CADM2: variants seen among roughly 807,000 people sequenced by gnomAD.
The protein encoded by CADM2 is cell adhesion molecule 2, also known as immunoglobulin superfamily member 4D.
CADM2 carries 12 observed loss-of-function variants against 49.8 expected under a neutral mutation model. That is an observed-to-expected ratio of 0.24 (90% CI 0.15 to 0.39). The LOEUF (loss-of-function observed/expected upper bound fraction) is 0.39, where lower values mean the gene tolerates loss of function less well. CADM2 is among the 10% of genes least tolerant of loss of function. The pLI is 1.00. For synonymous variants in CADM2, 214 were observed against 175.4 expected (o/e 1.22, Z -1.74); for missense variants, 378 against 492.3 (o/e 0.77, Z 2.20).
At chr3:85,404,910 AT>A (rs2035298841) in intron 1 of CADM2, among the ~76,000 whole-genome samples, 1 of 152,174 alleles carries the variant, frequency 6.6e-6, no homozygotes, top group South Asian at 2.1e-4. Context: ...TAATAAAGTG[AT>A]GAAAAGAGTT....
chr3:85,407,589 C>T (rs567707149), intron 1 of CADM2, among the ~76,000 whole-genome samples: 2 of 152,192 alleles, frequency 1.3e-5, no homozygotes, highest in East Asian at 1.9e-4. Context: ...TGACTTTTTG[C>T]TCCGAAGGAA....
At chr3:85,637,263 C>A (rs955442642) in intron 1 of CADM2, among the ~76,000 whole-genome samples, 2 of 152,004 alleles carry the variant, frequency 1.3e-5, no homozygotes, top group Admixed American at 1.3e-4. Flanking sequence ...GAATTTTTTT[C>A]TTTAATATGT....
At chr3:85,302,520 C>A (rs1428544939) in intron 1 of CADM2, among the ~76,000 whole-genome samples, 2 of 152,002 alleles carry the variant, frequency 1.3e-5, no homozygotes, top group Non-Finnish European at 2.9e-5. Context: ...TACTTTTAAT[C>A]GTTGAAATGT....
At chr3:85,160,179 G>T (rs1449935951) in intron 1 of CADM2, among the ~76,000 whole-genome samples, 1 of 152,032 alleles carries the variant, frequency 6.6e-6, no homozygotes, top group Non-Finnish European at 1.5e-5. Context: ...CTAAATGAGG[G>T]TTTTCAGCAT....
chr3:85,040,017 T>C (rs2035375184), intron 1 of CADM2, among the ~76,000 whole-genome samples: 1 of 152,182 alleles, frequency 6.6e-6, no homozygotes, highest in Non-Finnish European at 1.5e-5. Context: ...CATTCTCAGT[T>C]CATTGAAGGT....
chr3:85,705,163 G>T (rs1207779308), intron 1 of CADM2, among the ~76,000 whole-genome samples: 4 of 148,900 alleles, frequency 2.7e-5, no homozygotes, highest in Non-Finnish European at 5.9e-5. Context: ...AGTGCATCCC[G>T]CCCCCTTCTT....
chr3:85,676,405 G>A (rs1163040720), intron 1 of CADM2, among the ~76,000 whole-genome samples: 1 of 152,096 alleles, frequency 6.6e-6, no homozygotes, highest in Non-Finnish European at 1.5e-5. Context: ...AGAGACCCAT[G>A]CCTATTAATT....
chr3:85,838,300 A>C (rs3906942), intron 3 of CADM2, among the ~76,000 whole-genome samples: 1 of 151,402 alleles, frequency 6.6e-6, no homozygotes, highest in Admixed American at 6.6e-5. Context: ...TGTGGGCTCA[A>C]GAAAAAATAA....
chr3:85,825,243 T>G (rs2073839763), intron 3 of CADM2, among the ~76,000 whole-genome samples: 2 of 151,908 alleles, frequency 1.3e-5, no homozygotes, highest in South Asian at 4.1e-4. Context: ...ATCAAAAGGT[T>G]CAAGTTTAGA....
At chr3:85,080,478 T>C (rs548233387) in intron 1 of CADM2, among the ~76,000 whole-genome samples, 1 of 152,196 alleles carries the variant, frequency 6.6e-6, no homozygotes, top group South Asian at 2.1e-4. Context: ...AGACATCAGA[T>C]ACATTATACA....
intron 1 of CADM2, among the ~76,000 whole-genome samples, chr3:84,996,068 C>A (rs1267064385): frequency 6.6e-6 from 1 of 152,080 alleles, no homozygotes; most frequent in Non-Finnish European, 1.5e-5. Context: ...CAAAATCTGG[C>A]AATTTTACTC....
intron 1 of CADM2, among the ~76,000 whole-genome samples, chr3:85,693,700 A>G (rs1225101526): frequency 1.4e-5 from 2 of 145,030 alleles, no homozygotes; most frequent in East Asian, 4.0e-4. Flanking sequence ...ATCATGGCCA[A>G]CATGGTAAAA....
chr3:85,458,835 A>AT (rs2038111987), intron 1 of CADM2, among the ~76,000 whole-genome samples: 1 of 152,190 alleles, frequency 6.6e-6, no homozygotes, highest in Non-Finnish European at 1.5e-5. Flanking sequence ...ATAAAAGTAC[A>AT]TTTTAAAATC....
chr3:85,562,299 A>G (rs2062116299), intron 1 of CADM2, among the ~76,000 whole-genome samples: 1 of 151,840 alleles, frequency 6.6e-6, no homozygotes, highest in South Asian at 2.1e-4. Flanking sequence ...GACAACATTG[A>G]GAGACCTGAT....
chr3:85,780,121 CTTGT>C (rs2070563472), intron 2 of CADM2, among the ~76,000 whole-genome samples: 1 of 152,098 alleles, frequency 6.6e-6, no homozygotes, highest in Admixed American at 6.6e-5. Flanking sequence ...AAAGTGTACA[CTTGT>C]TTAACTCTCA....
chr3:85,540,913 T>TG (rs1225013101), intron 1 of CADM2, among the ~76,000 whole-genome samples: 1 of 152,160 alleles, frequency 6.6e-6, no homozygotes, highest in East Asian at 1.9e-4. Flanking sequence ...GTGTCACTTC[T>TG]GTGTCTCTTT....
intron 1 of CADM2, among the ~76,000 whole-genome samples, chr3:85,194,803 A>G (rs1449155145): frequency 6.6e-6 from 1 of 152,052 alleles, no homozygotes; most frequent in African/African-American, 2.4e-5. Context: ...TTATTCCAGG[A>G]TGCATAATAT....
chr3:85,142,601 C>A (rs2107630646), intron 1 of CADM2, among the ~76,000 whole-genome samples: 1 of 152,190 alleles, frequency 6.6e-6, no homozygotes, highest in African/African-American at 2.4e-5. Context: ...AGACTTACAG[C>A]ATTATGAAGA....
rs1386855976 is a variant in CADM2 at position 85,942,411 on chromosome 3, G to A, written c.791+6554G>A. On this transcript the variant is annotated intron_variant, in intron 7 of 9. Coordinates refer to ENST00000383699, the MANE Select transcript of CADM2 (RefSeq NM_001167675.2). ...AGGTTAGTTACATATATATAAATGT[G>A]CCATGCTGGTGCGCTGCACCCACTA... 2.0e-5 allele frequency among the ~76,000 whole-genome samples: 3 copies of A among 151,782 alleles called. No individual in the cohort carries two copies. In the East Asian group the frequency reaches 5.9e-4, roughly 30 times the overall value.
Sources: gnomAD v4.1 joint callset for allele counts (sites outside exome capture counted in the v4.1 genomes callset) on GRCh38, gnomAD v4.1.1 for gene constraint, MANE v1.5 for transcripts, NCBI Gene and HGNC (gene_info 2026-07-23, HGNC 2026-07-21) for gene names.